Variants in RECQL4 observed in about 807,000 individuals in gnomAD.
RECQL4 encodes RecQ like helicase 4.
A neutral mutation model predicts 128.6 loss-of-function variants in RECQL4; 158 were observed. The observed-to-expected ratio is 1.23, with a 90% CI of 1.08 to 1.40. The LOEUF is 1.40. Among genes scored for constraint, RECQL4 ranks in the 40% most tolerant of loss-of-function variants. The pLI is 0.00. For synonymous variants in RECQL4, 996 were observed against 678.9 expected (o/e 1.47, Z -7.26); for missense variants, 2,293 against 1,649.8 (o/e 1.39, Z -6.75).
At position 144,512,690 on chromosome 8, in the gene RECQL4, C is replaced by T. The variant is rs773154902; in HGVS notation, c.2837G>A (p.Arg946His). ...ELLATTYTHC[R>H]LNCPGGPAQL... is the part of the protein sequence containing the mutation. ...GGCAGGGCCCCCAGGGCAGTTCAGA[C>T]GGCAATGGGTATAGGTGGTCGCCAG... Residue 946 changes from arginine to histidine, a missense_variant, in exon 16 of 21, where the codon CGT becomes CAT. Transcript: ENST00000617875. The T allele has an allele frequency of 6.1e-5, 98 of 1,612,388 alleles. No individual in the cohort carries two copies. The highest frequency in any genetic ancestry group is 2.8e-4 in the African/African-American group (21 of 74,940).
At chr8:144,516,892 G>A (rs909404381) in intron 4 of RECQL4, 128 bp from the exon 5 acceptor site, 5 of 1,375,748 alleles carry the variant, frequency 3.6e-6, no homozygotes, top group African/African-American at 1.5e-5. Flanking sequence ...GACTAGAAAG[G>A]GAGTCAAGGG....
At position 144,515,560 on chromosome 8, in the gene RECQL4, C is replaced by G. The variant is rs879261918; in HGVS notation, c.1259-103G>C. 71 of 1,558,810 alleles carry G rather than the reference C, an allele frequency of 4.6e-5. No individual in the cohort carries two copies. The Admixed American group carries it at 1.2e-3, about 26-fold the overall frequency. On this transcript the variant is annotated intron_variant, in intron 6 of 20. Coordinates refer to ENST00000617875, the MANE Select transcript of RECQL4 (RefSeq NM_004260.4). ...CAAAGGGGGTTGGCAGCAGGCAGTGCCCTTCCTCTGGGCTACTTTTTCCAA... is the reference window on the plus strand; with the variant it reads ...CAAAGGGGGTTGGCAGCAGGCAGTGGCCTTCCTCTGGGCTACTTTTTCCAA...
Position 144,512,729 on chromosome 8 carries a change from T to C in RECQL4, c.2798A>G (p.His933Arg), listed in dbSNP as rs1554897277. The change falls in exon 16 of 21, where the codon CAC (histidine) becomes CGC (arginine). Residue 933 changes from histidine to arginine, a missense_variant. His to Arg is a conservative substitution (Grantham distance 29). Transcript: ENST00000617875. ...LLCYLELHPH[H>R]WLELLATTYT... Reference sequence around the variant, plus strand: ...GGTGGTCGCCAGCAGCTCCAGCCAGTGGTGTGGGTGCAGCTCCAGGTAGCA... The same window carrying C: ...GGTGGTCGCCAGCAGCTCCAGCCAGCGGTGTGGGTGCAGCTCCAGGTAGCA... The C allele has an allele frequency of 6.2e-7, 1 of 1,612,144 alleles. No individual in the cohort carries two copies. Among genetic ancestry groups the C allele is most frequent in the Non-Finnish European group, 8.5e-7 (1 of 1,179,772 alleles).
rs748155891 is a variant in RECQL4, at chr8:144,515,761, C to T, written c.1258+3G>A. 6.2e-7 allele frequency: 1 copy of T among 1,612,152 alleles called. No individual in the cohort carries two copies. The highest frequency in any genetic ancestry group is 2.2e-5 in the East Asian group (1 of 44,856). ...GACCCACCCTCCAGGGCAGATGTCT[C>T]ACCTGGCCGGGGACACTGGGCTGCC... On this transcript the variant is annotated splice_donor_region_variant and intron_variant, in intron 6 of 20. Transcript: ENST00000617875.
Position 144,512,647 on chromosome 8 carries a change from G to A in RECQL4, c.2880C>T (p.Ala960=), listed in dbSNP as rs766684128. Residue 960 remains alanine (A), a synonymous_variant, in exon 16 of 21, where the codon GCC becomes GCT. Transcript: ENST00000617875. Reference sequence around the variant, plus strand: ...ACTGGGCAGGGCGTGCTTACCTGTGGGCCAGGGCCTGGAGCTGGGCAGGGC... The same window carrying A: ...ACTGGGCAGGGCGTGCTTACCTGTGAGCCAGGGCCTGGAGCTGGGCAGGGC... ...PGGPAQLQAL[A]HRCPPLAVCL... is the part of the protein sequence containing the mutation. 6.2e-7 allele frequency: 1 copy of A among 1,612,360 alleles called. No homozygotes were observed. Among genetic ancestry groups the A allele is most frequent in the African/African-American group, 1.3e-5 (1 of 74,932 alleles).
rs1188265182 is a variant in RECQL4, at chr8:144,515,782, C to A, written c.1240G>T (p.Ala414Ser). The A allele has an allele frequency of 1.1e-5, 17 of 1,612,356 alleles. No homozygotes were observed. Among genetic ancestry groups the A allele is most frequent in the Non-Finnish European group, 1.2e-5 (14 of 1,179,716 alleles). Residue 414 changes from alanine to serine, a missense_variant, in exon 6 of 21, where the codon GCC (alanine) becomes TCC (serine). Physicochemically the swap from Ala to Ser is moderately conservative, Grantham distance 99. Coordinates refer to ENST00000617875, the MANE Select transcript of RECQL4 (RefSeq NM_004260.4). The part of the protein sequence containing the change: ...FLNEQFDHWA[A>S]QCPRPASEED... ...GTCTCACCTGGCCGGGGACACTGGG[C>A]TGCCCAGTGATCGAACTGCTCGTTC... is the stretch of plus-strand genomic sequence containing the variant.
rs752112003 is a variant in RECQL4, at chr8:144,513,208, G to A, written c.2463+10C>T. 8.3e-6 allele frequency: 13 copies of A among 1,559,192 alleles called. No individual in the cohort carries two copies. Among genetic ancestry groups the A allele is most frequent in the East Asian group, 2.3e-5 (1 of 43,954 alleles). ...CGAGCACTGGCAGTGTGGGGGGGGG[G>A]GGTGCCAACCTGGGGCTGCAGGAAG... On this transcript the variant is annotated intron_variant, in intron 14 of 20. Coordinates refer to ENST00000617875, the MANE Select transcript of RECQL4 (RefSeq NM_004260.4).
Position 144,516,123 on chromosome 8 carries a change from C to A in RECQL4, c.996G>T (p.Lys332Asn). The change falls in exon 5 of 21, where the codon AAG (lysine) becomes AAT (asparagine). Residue 332 changes from lysine (K) to asparagine (N), a missense_variant. Physicochemically the swap from Lys to Asn is moderately conservative, Grantham distance 94. Coordinates refer to ENST00000617875, the MANE Select transcript of RECQL4 (RefSeq NM_004260.4). The part of the protein sequence containing the change: ...LSPSSQARAG[K>N]AEGTAPLHIF... ...TGTGCAGGGGGGCTGTGCCCTCAGC[C>A]TTCCCAGCCCTAGCTTGACTGGAGG... 1 of 1,613,074 alleles carries A rather than the reference C, an allele frequency of 6.2e-7. No individual in the cohort carries two copies.
rs747445357 is a variant in RECQL4 at position 144,513,417 on chromosome 8, C to A, written c.2264G>T (p.Arg755Leu). 1 of 1,609,224 alleles carries A rather than the reference C, an allele frequency of 6.2e-7. No homozygotes were observed. Among genetic ancestry groups the A allele is most frequent in the East Asian group, 2.2e-5 (1 of 44,874 alleles). ...GCCCTGCATGAAGGCTCGCTGTACCCGCCGCCGTTCCCGGCTGCACATGCC... is the reference window on the plus strand; with the variant it reads ...GCCCTGCATGAAGGCTCGCTGTACCAGCCGCCGTTCCCGGCTGCACATGCC... Reference protein sequence around the residue: ...HAGMCSRERRRVQRAFMQGQL... With the variant: ...HAGMCSRERRLVQRAFMQGQL... Residue 755 changes from arginine to leucine, a missense_variant, in exon 14 of 21, where the codon CGG (arginine) becomes CTG (leucine). Arg to Leu is a moderately radical substitution (Grantham distance 102). Coordinates refer to ENST00000617875, the MANE Select transcript of RECQL4 (RefSeq NM_004260.4).
chr8:144,515,619 C>A (rs769004293), intron 6 of RECQL4, 145 bp downstream of exon 6: 2 of 1,438,814 alleles, frequency 1.4e-6, no homozygotes. Context: ...GTCGTCCCTG[C>A]CACCCTCCTT....
rs201864865 is a variant in RECQL4 at position 144,515,477 on chromosome 8, G to A, written c.1259-20C>T. On this transcript the variant is annotated intron_variant, in intron 6 of 20. Transcript: ENST00000617875. ...CACTTGCTGGGGCAGGCAGGAGAGG[G>A]TAGAATGGGAGCTCCAGGTCGGGCA... The A allele has an allele frequency of 2.3e-5, 37 of 1,612,338 alleles. No individual in the cohort carries two copies. Among genetic ancestry groups the A allele is most frequent in the African/African-American group, 1.2e-4 (9 of 74,936 alleles).
At chr8:144,515,602 A>G in intron 6 of RECQL4, 145 bp from the exon 7 acceptor site, 3 of 1,471,710 alleles carry the variant, frequency 2.0e-6, no homozygotes, top group Non-Finnish European at 2.8e-6. Context: ...AAAGAGTGAC[A>G]GCCATCGTCG....
Position 144,515,005 on chromosome 8 carries a change from C to T in RECQL4, c.1551G>A (p.Leu517=), listed in dbSNP as rs2130703574. The part of the protein sequence containing the change: ...GKSLCYQLPA[L]LYSRRSPCLT... Reference sequence around the variant, plus strand: ...GGCAGGGGCTGCGCCGGCTGTAGAGCAGCGCTGGGAGCTGGTAGCACAGGG... The same window carrying T: ...GGCAGGGGCTGCGCCGGCTGTAGAGTAGCGCTGGGAGCTGGTAGCACAGGG... Residue 517 remains leucine (L), a synonymous_variant, in exon 9 of 21, where the codon CTG becomes CTA. Coordinates refer to ENST00000617875, the MANE Select transcript of RECQL4 (RefSeq NM_004260.4). 6.2e-7 allele frequency: 1 copy of T among 1,611,190 alleles called. No individual in the cohort carries two copies. The highest frequency in any genetic ancestry group is 1.3e-5 in the African/African-American group (1 of 75,020).
rs760241032 is a variant in RECQL4 at position 144,512,066 on chromosome 8, C to T, written c.3238G>A (p.Val1080Ile). Reference sequence around the variant, plus strand: ...CAGGGCCCGCAGCTGGGGAAGGCTACGCTGTGGGGAGGAGCCTGTCAGAGC... The same window carrying T: ...CAGGGCCCGCAGCTGGGGAAGGCTATGCTGTGGGGAGGAGCCTGTCAGAGC... Reference protein sequence around the residue: ...LRRTFQAFHSVAFPSCGPCLE... With the variant: ...LRRTFQAFHSIAFPSCGPCLE... The change falls in exon 19 of 21, where the codon GTA becomes ATA. Residue 1080 changes from valine (V) to isoleucine (I), a missense_variant and splice_region_variant. Physicochemically the swap from Val to Ile is conservative, Grantham distance 29. Transcript: ENST00000617875. The T allele has an allele frequency of 2.2e-5, 36 of 1,607,278 alleles. No homozygotes were observed. The highest frequency in any genetic ancestry group is 1.6e-4 in the Middle Eastern group (1 of 6,076).
Position 144,511,468 on chromosome 8 carries a change from C to A in RECQL4, c.3590G>T (p.Gly1197Val). The change falls in exon 21 of 21, where the codon GGC becomes GTC. Residue 1197 changes from glycine (G) to valine (V), a missense_variant. Transcript: ENST00000617875. ...CTGCAGGAGCTCTTCCGTGGCCAGG[C>A]CCACCAGGGCATGGAAGCTCAGGTG... The part of the protein sequence containing the change: ...YLHLSFHALV[G>V]LATEELLQVA... 4 of 1,612,548 alleles carry A rather than the reference C, an allele frequency of 2.5e-6. No individual in the cohort carries two copies. Among genetic ancestry groups the A allele is most frequent in the Non-Finnish European group, 3.4e-6 (4 of 1,179,752 alleles).
chr8:144,512,672 C>A lies in RECQL4; in HGVS notation c.2855G>T (p.Gly952Val). ...GGCCAGGGCCTGGAGCTGGGCAGGG[C>A]CCCCAGGGCAGTTCAGACGGCAATG... ...YTHCRLNCPG[G>V]PAQLQALAHR... Residue 952 changes from glycine (G) to valine (V), a missense_variant, in exon 16 of 21, where the codon GGC (glycine) becomes GTC (valine). By Grantham distance (109) the Gly-to-Val change is moderately radical. Coordinates refer to ENST00000617875, the MANE Select transcript of RECQL4 (RefSeq NM_004260.4). 1 of 1,612,518 alleles carries A rather than the reference C, an allele frequency of 6.2e-7. No individual in the cohort carries two copies. Among genetic ancestry groups the A allele is most frequent in the Non-Finnish European group, 8.5e-7 (1 of 1,179,808 alleles).
At position 144,517,088 on chromosome 8, in the gene RECQL4, C is replaced by T. The variant is rs1379063242; in HGVS notation, c.316G>A (p.Gly106Arg). 1 of 1,612,326 alleles carries T rather than the reference C, an allele frequency of 6.2e-7. No homozygotes were observed. Among genetic ancestry groups the T allele is most frequent in the Admixed American group, 1.7e-5 (1 of 60,012 alleles). ...RSRQGSVPDYGQRLKANLKGT... is the reference protein window; with the variant it reads ...RSRQGSVPDYRQRLKANLKGT... ...TTCAGATTGGCCTTGAGCCGCTGCC[C>T]GTAGTCCGGCACCGAGCCCTGGCGG... The change falls in exon 4 of 21, where the codon GGG becomes AGG. Residue 106 changes from glycine to arginine, a missense_variant. By Grantham distance (125) the Gly-to-Arg change is moderately radical. Transcript: ENST00000617875.
At position 144,514,345 on chromosome 8, in the gene RECQL4, T is replaced by C. The variant is rs1052177697; in HGVS notation, c.1722A>G (p.Val574=). Residue 574 remains valine (V), a synonymous_variant, in exon 11 of 21, where the codon GTA becomes GTG. Transcript: ENST00000617875. Reference sequence around the variant, plus strand: ...CCTCAGGTGTCAGCATCAGCACGTGTACCTGGGCTGCCCGAATCTGAAGGC... The same window carrying C: ...CCTCAGGTGTCAGCATCAGCACGTGCACCTGGGCTGCCCGAATCTGAAGGC... ...SVLQKIRAAQ[V]HVLMLTPEAL... The C allele has an allele frequency of 4.4e-6, 7 of 1,604,140 alleles. No homozygotes were observed. The highest frequency in any genetic ancestry group is 1.3e-5 in the African/African-American group (1 of 74,748).
In RECQL4 at chr8:144,513,343, G is replaced by T; in HGVS notation, c.2338C>A (p.Arg780=). The T allele has an allele frequency of 6.2e-7, 1 of 1,604,720 alleles. No individual in the cohort carries two copies. Among genetic ancestry groups the T allele is most frequent in the Non-Finnish European group, 8.5e-7 (1 of 1,179,618 alleles). ...TGCAGCACAGCCCGCACATCTGGCC[G>T]GTCCAGCCCCATCCCAAAGGCCACC... ...ATVAFGMGLD[R]PDVRAVLHLG... The change falls in exon 14 of 21, where the codon CGG becomes AGG. Residue 780 remains arginine, a synonymous_variant. Transcript: ENST00000617875.
Sources: gnomAD v4.1 joint callset for allele counts on GRCh38, gnomAD v4.1.1 for gene constraint, MANE v1.5 for transcripts, NCBI Gene and HGNC (gene_info 2026-07-23, HGNC 2026-07-21) for gene names.